The following SPIRE1 variants were observed in gnomAD, a reference collection of about 807,000 sequenced individuals.
SPIRE1 encodes protein spire homolog 1.
A neutral mutation model predicts 94.1 loss-of-function variants in SPIRE1; 40 were observed. The observed-to-expected ratio is 0.43, with a 90% CI of 0.33 to 0.55. The LOEUF (loss-of-function observed/expected upper bound fraction) is 0.55, where lower values mean the gene tolerates loss of function less well. Ranked by LOEUF, SPIRE1 falls within the 20% of genes least tolerant of loss-of-function variation. SPIRE1 has a pLI of 0.06. For missense variants in SPIRE1, 838 were observed against 975.2 expected, an observed-to-expected ratio of 0.86 and a Z score of 1.87; for synonymous variants, 376 against 371.7, an observed-to-expected ratio of 1.01 and a Z score of -0.13.
chr18:12,456,691 T>C (rs1182000494), intron 12 of SPIRE1, among the ~76,000 whole-genome samples: 1 of 152,166 alleles, frequency 6.6e-6, no homozygotes, highest in Non-Finnish European at 1.5e-5. Flanking sequence ...ATTTTTTTCA[T>C]TTGTAGGGAT....
chr18:12,564,781 A>G (rs2035775511), intron 2 of SPIRE1, among the ~76,000 whole-genome samples: 1 of 152,162 alleles, frequency 6.6e-6, no homozygotes, highest in Admixed American at 6.5e-5. Context: ...AAAAAACTCC[A>G]GGGGACCTGG....
chr18:12,622,093 T>A (rs2144745256), intron 2 of SPIRE1, among the ~76,000 whole-genome samples: 1 of 152,276 alleles, frequency 6.6e-6, no homozygotes, highest in East Asian at 1.9e-4. Context: ...AGATCTATCA[T>A]ACTGACTTCT....
At chr18:12,615,298 G>A (rs2037254105) in intron 2 of SPIRE1, among the ~76,000 whole-genome samples, 1 of 90,238 alleles carries the variant, frequency 1.1e-5, no homozygotes, top group Non-Finnish European at 2.1e-5. Context: ...TTGCACTCCA[G>A]CTTGGGCAAC....
intron 12 of SPIRE1, among the ~76,000 whole-genome samples, chr18:12,461,461 T>C (rs374874779): frequency 0.024 from 3,509 of 145,868 alleles, 113 homozygotes; most frequent in Non-Finnish European, 0.033. Context: ...TGTGTATGTA[T>C]GTACATATGT....
chr18:12,618,340 T>C (rs1288250601), intron 2 of SPIRE1, among the ~76,000 whole-genome samples: 6 of 151,926 alleles, frequency 3.9e-5, no homozygotes, highest in Non-Finnish European at 7.4e-5. Context: ...GACCTTGTTA[T>C]CCGCCCGCCT....
chr18:12,646,271 G>A (rs1340609071), intron 1 of SPIRE1, among the ~76,000 whole-genome samples: 1 of 151,964 alleles, frequency 6.6e-6, no homozygotes, highest in African/African-American at 2.4e-5. Flanking sequence ...TGTAACACTC[G>A]CCTACTGTCA....
At chr18:12,600,556 T>C (rs1367364723) in intron 2 of SPIRE1, among the ~76,000 whole-genome samples, 1 of 151,904 alleles carries the variant, frequency 6.6e-6, no homozygotes, top group East Asian at 1.9e-4. Flanking sequence ...GCTAATACTA[T>C]GATGGTTGAA....
chr18:12,602,830 T>C (rs1324978563), intron 2 of SPIRE1, among the ~76,000 whole-genome samples: 1 of 152,204 alleles, frequency 6.6e-6, no homozygotes, highest in Non-Finnish European at 1.5e-5. Context: ...TCTATAGCTC[T>C]AATATCGCTG....
intron 8 of SPIRE1, among the ~76,000 whole-genome samples, chr18:12,491,877 T>G (rs1450894944): frequency 6.6e-6 from 1 of 151,658 alleles, no homozygotes; most frequent in Non-Finnish European, 1.5e-5. Context: ...CTGAGAAGAG[T>G]AGAAGATTAA....
chr18:12,456,172 T>C (rs2031498814), intron 12 of SPIRE1, among the ~76,000 whole-genome samples: 1 of 152,206 alleles, frequency 6.6e-6, no homozygotes, highest in Non-Finnish European at 1.5e-5. Flanking sequence ...AAAATACGCA[T>C]TTAAAAAATT....
chr18:12,626,041 C>T (rs1429863090), intron 2 of SPIRE1, among the ~76,000 whole-genome samples: 1 of 95,936 alleles, frequency 1.0e-5, no homozygotes, highest in Middle Eastern at 6.8e-3. Context: ...CACACCGCCC[C>T]GCCCCCCCCC....
chr18:12,578,504 C>A (rs2036170698), intron 2 of SPIRE1, among the ~76,000 whole-genome samples: 1 of 152,164 alleles, frequency 6.6e-6, no homozygotes, highest in South Asian at 2.1e-4. Flanking sequence ...ACTGACTGCA[C>A]CGGAAACTTT....
intron 2 of SPIRE1, among the ~76,000 whole-genome samples, chr18:12,586,885 C>T (rs2144565582): frequency 6.6e-6 from 1 of 152,234 alleles, no homozygotes; most frequent in East Asian, 1.9e-4. Context: ...TTTAACTGTC[C>T]TTTTAAAAAT....
chr18:12,463,090 C>T (rs1249547731), intron 12 of SPIRE1, among the ~76,000 whole-genome samples: 1 of 151,914 alleles, frequency 6.6e-6, no homozygotes, highest in African/African-American at 2.4e-5. Flanking sequence ...TTTGCAGAGA[C>T]GGGATCTCAC....
At chr18:12,631,484 T>G (rs1320102766) in intron 2 of SPIRE1, among the ~76,000 whole-genome samples, 3 of 124,628 alleles carry the variant, frequency 2.4e-5, no homozygotes, top group African/African-American at 9.3e-5. Flanking sequence ...GGCCGAGGCA[T>G]GAGGACTGCT....
At chr18:12,548,104 T>C (rs1352231421) in intron 2 of SPIRE1, among the ~76,000 whole-genome samples, 1 of 152,240 alleles carries the variant, frequency 6.6e-6, no homozygotes, top group Admixed American at 6.5e-5. Flanking sequence ...GTTGAGACTA[T>C]GCATTCACTA....
At chr18:12,630,187 G>A (rs2037737261) in intron 2 of SPIRE1, among the ~76,000 whole-genome samples, 1 of 152,070 alleles carries the variant, frequency 6.6e-6, no homozygotes. Flanking sequence ...TCAATTCTAT[G>A]ACTTGATGAG....
chr18:12,492,207 A>G (rs942625851), intron 8 of SPIRE1, among the ~76,000 whole-genome samples: 1 of 152,198 alleles, frequency 6.6e-6, no homozygotes, highest in Non-Finnish European at 1.5e-5. Flanking sequence ...TTGAAGTCCA[A>G]GAGTCTGAAA....
intron 2 of SPIRE1, among the ~76,000 whole-genome samples, chr18:12,573,344 A>AGGAT (rs754359523): frequency 6.6e-6 from 1 of 152,188 alleles, no homozygotes; most frequent in Non-Finnish European, 1.5e-5. Context: ...AATGCTAGCA[A>AGGAT]GGATGTGGAG....
Sources: allele counts gnomAD v4.1 joint callset (sites outside exome capture counted in the v4.1 genomes callset), GRCh38; gene constraint gnomAD v4.1.1; transcripts MANE v1.5; gene names NCBI Gene and HGNC (gene_info 2026-07-23, HGNC 2026-07-21).